The following NARS2 variants were observed in gnomAD, a reference collection of about 807,000 sequenced individuals.
The protein encoded by NARS2 is asparaginyl-tRNA synthetase 2, mitochondrial, also known as asparaginyl-tRNA synthetase.
In NARS2, 60 loss-of-function variants were observed where a neutral mutation model predicts 62.9. That is an observed-to-expected ratio of 0.95 (90% CI 0.77 to 1.18). The LOEUF is 1.18. NARS2 is among the 50% of genes most tolerant of loss of function. The probability of loss-of-function intolerance (pLI) is 0.00; values close to 1 mark genes in which losing one functional copy is unlikely to be tolerated. For synonymous variants in NARS2, 196 were observed against 200.0 expected (o/e 0.98, Z 0.17); for missense variants, 619 against 576.4 (o/e 1.07, Z -0.76).
chr11:78,510,290 T>C lies in NARS2; in HGVS notation c.690-17095A>G, dbSNP rs369545399. Among the ~76,000 whole-genome samples, 53 of 152,040 alleles carry C rather than the reference T, an allele frequency of 3.5e-4. No individual in the cohort carries two copies. The East Asian group carries it at 7.1e-3, about 20-fold the overall frequency. ...TGAAAGTGAAAGGATGGAAAAAAAA[T>C]TTTCCATGCAAATAGGAGACAAAAG... On this transcript the variant is annotated intron_variant, in intron 6 of 13. Coordinates refer to ENST00000281038, the MANE Select transcript of NARS2 (RefSeq NM_024678.6).
intron 9 of NARS2, among the ~76,000 whole-genome samples, chr11:78,470,243 G>A (rs950585486): frequency 1.3e-5 from 2 of 152,106 alleles, no homozygotes; most frequent in Non-Finnish European, 2.9e-5. Context: ...ACACCCTCAT[G>A]CCTAAAGTAA....
At chr11:78,538,411 A>C (rs1855457913) in intron 5 of NARS2, among the ~76,000 whole-genome samples, 1 of 152,196 alleles carries the variant, frequency 6.6e-6, no homozygotes, top group Non-Finnish European at 1.5e-5. Context: ...AAGAGCTTAC[A>C]TTCTAATGGG....
In NARS2 at chr11:78,465,950, C is replaced by A. The variant is rs1858602157; in HGVS notation, c.1090G>T (p.Val364Phe). 1 of 1,613,980 alleles carries A rather than the reference C, an allele frequency of 6.2e-7. No homozygotes were observed. Among genetic ancestry groups the A allele is most frequent in the African/African-American group, 1.3e-5 (1 of 75,020 alleles). The change falls in exon 11 of 14, where the codon GTC becomes TTC. Residue 364 changes from valine to phenylalanine, a missense_variant. Val to Phe is a conservative substitution (Grantham distance 50). Transcript: ENST00000281038. ...GTTAATGGATAATTAATAACGAAGA[C>A]AGGTATGTTGCCACAGTGCTTCACC... is the stretch of plus-strand genomic sequence containing the variant. ...YLVKHCGNIP[V>F]FVINYPLTLK...
chr11:78,499,941 A>G lies in NARS2; in HGVS notation c.690-6746T>C, dbSNP rs1003365139. Reference sequence around the variant, plus strand: ...TTGTCAACGGCACTTACTCGTGTCGAAATTATCCCTCTTACACCTCTCATA... The same window carrying G: ...TTGTCAACGGCACTTACTCGTGTCGGAATTATCCCTCTTACACCTCTCATA... On this transcript the variant is annotated intron_variant, in intron 6 of 13. Transcript: ENST00000281038. Among the ~76,000 whole-genome samples the G allele has an allele frequency of 2.0e-5, 3 of 152,336 alleles. No individual in the cohort carries two copies. In the East Asian group the frequency reaches 5.8e-4, roughly 29 times the overall value.
intron 11 of NARS2, 126 bp from the exon 12 acceptor site, chr11:78,443,884 T>A (rs1857660295): frequency 1.6e-6 from 1 of 635,978 alleles, no homozygotes; most frequent in South Asian, 1.8e-5. Context: ...TCTTACTGAC[T>A]ACATACAAAT....
At chr11:78,478,511 A>T (rs754755333) in intron 8 of NARS2, 36 bp from the exon 9 acceptor site, 2 of 1,247,976 alleles carry the variant, frequency 1.6e-6, no homozygotes, top group Non-Finnish European at 1.1e-6. Context: ...TTTTAAAAAT[A>T]TAATTTTATT....
chr11:78,447,395 T>C (rs958582855), intron 11 of NARS2, among the ~76,000 whole-genome samples: 13 of 152,136 alleles, frequency 8.5e-5, no homozygotes, highest in Non-Finnish European at 1.5e-4. Flanking sequence ...TTATACACTG[T>C]TGGTGGGAAT....
chr11:78,511,590 G>A (rs935464190), intron 6 of NARS2, among the ~76,000 whole-genome samples: 14 of 152,058 alleles, frequency 9.2e-5, no homozygotes, highest in South Asian at 6.2e-4. Context: ...GGTGGCAGGC[G>A]CCTGTAGTCC....
At position 78,574,566 on chromosome 11, in the gene NARS2, T is replaced by G; in HGVS notation, c.-78A>C. ...CCCCGCCTGCAGCGGCCCTCCTTTC[T>G]CAGCTGCTCCCCTTCCGCGGCCGCA... On this transcript the variant is annotated 5_prime_UTR_variant, in exon 1 of 14. Coordinates refer to ENST00000281038, the MANE Select transcript of NARS2 (RefSeq NM_024678.6). 6.9e-7 allele frequency: 1 copy of G among 1,458,738 alleles called. No homozygotes were observed. The highest frequency in any genetic ancestry group is 9.1e-7 in the Non-Finnish European group (1 of 1,099,514). 90.4% of individuals were successfully genotyped at this position (1,458,738 alleles called of 1,614,324 possible).
intron 11 of NARS2, among the ~76,000 whole-genome samples, chr11:78,457,162 C>G (rs1229867024): frequency 6.6e-6 from 1 of 152,162 alleles, no homozygotes; most frequent in African/African-American, 2.4e-5. Flanking sequence ...TACACCACAG[C>G]GCATACCTTC....
intron 11 of NARS2, among the ~76,000 whole-genome samples, chr11:78,465,099 G>T (rs1025939404): frequency 6.6e-6 from 1 of 152,212 alleles, no homozygotes; most frequent in South Asian, 2.1e-4. Context: ...GGGGCTGCAG[G>T]TCCCGAGCCC....
chr11:78,476,240 G>C (rs950161930), intron 9 of NARS2, among the ~76,000 whole-genome samples: 2 of 152,210 alleles, frequency 1.3e-5, no homozygotes, highest in African/African-American at 4.8e-5. Context: ...CTATGACTAA[G>C]ATCCGTGTAC....
At chr11:78,476,744 G>A (rs751748590) in intron 9 of NARS2, among the ~76,000 whole-genome samples, 17 of 152,094 alleles carry the variant, frequency 1.1e-4, no homozygotes, top group Non-Finnish European at 2.1e-4. Flanking sequence ...CGCAGCCCAA[G>A]AGGACATTTT....
At chr11:78,469,570 C>A (rs766119720) in intron 9 of NARS2, among the ~76,000 whole-genome samples, 2 of 152,200 alleles carry the variant, frequency 1.3e-5, no homozygotes, top group African/African-American at 4.8e-5. Flanking sequence ...TTCTCTGAAT[C>A]CATGATATGC....
intron 12 of NARS2, 126 bp from the exon 13 acceptor site, chr11:78,441,243 CAAGT>C: frequency 4.0e-6 from 3 of 751,458 alleles, no homozygotes; most frequent in Non-Finnish European, 6.5e-6. Flanking sequence ...CCTCTGCTCT[CAAGT>C]AATACTCAAT....
chr11:78,509,726 A>C (rs531450411), intron 6 of NARS2, among the ~76,000 whole-genome samples: 5 of 151,630 alleles, frequency 3.3e-5, no homozygotes, highest in Non-Finnish European at 5.9e-5. Context: ...GGCTGTTAAA[A>C]GTGCAGTCAA....
At chr11:78,450,583 T>C (rs908262009) in intron 11 of NARS2, among the ~76,000 whole-genome samples, 1 of 151,800 alleles carries the variant, frequency 6.6e-6, no homozygotes, top group Non-Finnish European at 1.5e-5. Context: ...CAATGTCTCA[T>C]AATTATTTCA....
intron 11 of NARS2, among the ~76,000 whole-genome samples, chr11:78,464,440 G>C (rs1236575611): frequency 1.2e-4 from 18 of 152,202 alleles, no homozygotes; most frequent in Admixed American, 9.8e-4. Context: ...TGGTAGAGCA[G>C]AGTGGTCTGT....
At chr11:78,463,741 C>G (rs557680869) in intron 11 of NARS2, among the ~76,000 whole-genome samples, 107 of 125,488 alleles carry the variant, frequency 8.5e-4, no homozygotes, top group African/African-American at 2.9e-3. Context: ...AAAAAAACCA[C>G]AGGACAAGAA....
Sources: gnomAD v4.1 joint callset for allele counts (sites outside exome capture counted in the v4.1 genomes callset) on GRCh38, gnomAD v4.1.1 for gene constraint, MANE v1.5 for transcripts, NCBI Gene and HGNC (gene_info 2026-07-23, HGNC 2026-07-21) for gene names.